ZMAT4: variants seen among roughly 807,000 people sequenced by gnomAD.
ZMAT4 encodes zinc finger matrin-type 4.
Under a neutral mutation model 28.7 loss-of-function variants are expected in ZMAT4, and 17 were observed. The observed-to-expected ratio is 0.59, with a 90% CI of 0.41 to 0.89. The LOEUF (loss-of-function observed/expected upper bound fraction) is 0.89. Ranked by LOEUF, ZMAT4 falls within the 40% of genes least tolerant of loss-of-function variation. ZMAT4 has a pLI of 0.00. For synonymous variants in ZMAT4, 117 were observed against 109.2 expected (o/e 1.07, Z -0.44); for missense variants, 240 against 283.8 (o/e 0.85, Z 1.11).
chr8:40,674,104 TA>T (rs774801799), intron 5 of ZMAT4, among the ~76,000 whole-genome samples: 1,004 of 87,144 alleles, frequency 0.012, 41 homozygotes, highest in Middle Eastern at 0.034. Context: ...TTTTTTTTTT[TA>T]AATTTTTGAG....
chr8:40,764,204 A>G (rs183450182), intron 3 of ZMAT4, among the ~76,000 whole-genome samples: 10 of 152,330 alleles, frequency 6.6e-5, no homozygotes, highest in Admixed American at 6.5e-4. Flanking sequence ...ATTGACCATA[A>G]CAATTTATTT....
intron 6 of ZMAT4, among the ~76,000 whole-genome samples, chr8:40,567,388 T>A (rs1399967793): frequency 1.3e-5 from 2 of 152,126 alleles, no homozygotes; most frequent in East Asian, 3.9e-4. Flanking sequence ...TCTGGTTACA[T>A]CTGGCTATTC....
At chr8:40,856,937 T>C (rs1817320276) in intron 1 of ZMAT4, among the ~76,000 whole-genome samples, 1 of 152,198 alleles carries the variant, frequency 6.6e-6, no homozygotes, top group African/African-American at 2.4e-5. Context: ...CCTCATCCAT[T>C]TTTTAACCAG....
intron 3 of ZMAT4, among the ~76,000 whole-genome samples, chr8:40,756,455 T>TATATATATATATATATATATAC (rs1171649512): frequency 7.3e-5 from 9 of 122,646 alleles, no homozygotes; most frequent in South Asian, 2.8e-4. Context: ...TATATATATA[T>TATATATATATATATATATATAC]ATACACACTT....
chr8:40,560,004 C>G (rs1803682847), intron 6 of ZMAT4, among the ~76,000 whole-genome samples: 1 of 151,970 alleles, frequency 6.6e-6, no homozygotes. Flanking sequence ...GACTCCATGT[C>G]AGGTGTAATT....
At chr8:40,686,243 G>A (rs1467615829) in intron 4 of ZMAT4, among the ~76,000 whole-genome samples, 4 of 151,940 alleles carry the variant, frequency 2.6e-5, no homozygotes, top group Admixed American at 6.6e-5. Flanking sequence ...GGCGAGGCAC[G>A]ATGGCTCACA....
intron 2 of ZMAT4, among the ~76,000 whole-genome samples, chr8:40,799,460 A>G (rs1171303311): frequency 6.6e-6 from 1 of 152,338 alleles, no homozygotes; most frequent in East Asian, 1.9e-4. Context: ...TTTTTTCTTT[A>G]TTCCAAATTT....
chr8:40,538,597 T>C (rs759901377), intron 6 of ZMAT4, among the ~76,000 whole-genome samples: 4 of 152,168 alleles, frequency 2.6e-5, no homozygotes, highest in Non-Finnish European at 5.9e-5. Flanking sequence ...CCTCCTCATC[T>C]GAAGTGAGAG....
intron 2 of ZMAT4, among the ~76,000 whole-genome samples, chr8:40,823,717 G>A (rs2353234): frequency 1.1e-5 from 1 of 91,842 alleles, no homozygotes; most frequent in Non-Finnish European, 2.2e-5. Flanking sequence ...GTGTGTGTGT[G>A]TGCGTGTGTG....
At chr8:40,638,047 A>T (rs914913151) in intron 5 of ZMAT4, among the ~76,000 whole-genome samples, 3 of 152,238 alleles carry the variant, frequency 2.0e-5, no homozygotes, top group Non-Finnish European at 4.4e-5. Context: ...TGGTTATCAG[A>T]GGTCGAAGCA....
At chr8:40,616,703 AG>A (rs1343625340) in intron 5 of ZMAT4, among the ~76,000 whole-genome samples, 6 of 151,904 alleles carry the variant, frequency 3.9e-5, no homozygotes, top group Non-Finnish European at 8.8e-5. Context: ...ACTTGGACAC[AG>A]GAAGGGGAAC....
chr8:40,841,133 G>C (rs556596972), intron 1 of ZMAT4, among the ~76,000 whole-genome samples: 1 of 152,306 alleles, frequency 6.6e-6, no homozygotes, highest in East Asian at 1.9e-4. Context: ...AACGTCATTC[G>C]ATCTGCAGCA....
At chr8:40,866,718 G>A (rs572884006) in intron 1 of ZMAT4, among the ~76,000 whole-genome samples, 139 of 152,300 alleles carry the variant, frequency 9.1e-4, no homozygotes, top group African/African-American at 3.0e-3. Flanking sequence ...TCTCTGGTGT[G>A]TAAATAGCTG....
At chr8:40,706,099 C>T (rs1461961086) in intron 3 of ZMAT4, among the ~76,000 whole-genome samples, 2 of 151,984 alleles carry the variant, frequency 1.3e-5, no homozygotes, top group African/African-American at 2.4e-5. Flanking sequence ...GCTCTGTCAC[C>T]CAGGCAACAG....
At chr8:40,563,058 T>C (rs1293183988) in intron 6 of ZMAT4, among the ~76,000 whole-genome samples, 1 of 152,136 alleles carries the variant, frequency 6.6e-6, no homozygotes, top group Non-Finnish European at 1.5e-5. Flanking sequence ...CTAAGCATCC[T>C]GAATCTGAAT....
intron 3 of ZMAT4, among the ~76,000 whole-genome samples, chr8:40,765,000 TA>T (rs59446867): frequency 0.16 from 23,806 of 150,212 alleles, 2,994 homozygotes; most frequent in East Asian, 0.6. Flanking sequence ...CCTGGCTAAT[TA>T]AAAAAAAAAA....
At chr8:40,764,824 C>A (rs991367783) in intron 3 of ZMAT4, among the ~76,000 whole-genome samples, 1 of 151,928 alleles carries the variant, frequency 6.6e-6, no homozygotes, top group African/African-American at 2.4e-5. Flanking sequence ...TCTATACCTT[C>A]GATATTATTA....
chr8:40,799,929 A>T (rs978936146), intron 2 of ZMAT4, among the ~76,000 whole-genome samples: 8 of 152,226 alleles, frequency 5.3e-5, no homozygotes, highest in African/African-American at 1.9e-4. Context: ...AGAGTAAAAA[A>T]TAAGAATAAC....
At chr8:40,689,854 C>A (rs537728918) in intron 4 of ZMAT4, among the ~76,000 whole-genome samples, 1 of 152,042 alleles carries the variant, frequency 6.6e-6, no homozygotes, top group East Asian at 1.9e-4. Flanking sequence ...TTTTCTGAAA[C>A]AAAGGTATAA....
Sources: allele counts gnomAD v4.1 joint callset (sites outside exome capture counted in the v4.1 genomes callset), GRCh38; gene constraint gnomAD v4.1.1; transcripts MANE v1.5; gene names NCBI Gene and HGNC (gene_info 2026-07-23, HGNC 2026-07-21).